ICA1: variants seen among roughly 807,000 people sequenced by gnomAD.
The protein encoded by ICA1 is 69 kDa islet cell autoantigen.
Under a neutral mutation model 71.0 loss-of-function variants are expected in ICA1, and 40 were observed. The ratio of observed to expected loss-of-function variants is 0.56; its 90% CI spans 0.44 to 0.73. ICA1 has a LOEUF of 0.73. Ranked by LOEUF, ICA1 falls within the 30% of genes least tolerant of loss-of-function variation. The pLI, the probability that ICA1 is intolerant of heterozygous loss-of-function variation, is 0.00. For missense variants in ICA1, 578 were observed against 576.5 expected, an observed-to-expected ratio of 1.00 and a Z score of -0.03; for synonymous variants, 207 against 209.5, an observed-to-expected ratio of 0.99 and a Z score of 0.10.
intron 1 of ICA1, among the ~76,000 whole-genome samples, chr7:8,252,286 G>A (rs1325694942): frequency 1.3e-5 from 2 of 152,110 alleles, no homozygotes; most frequent in African/African-American, 2.4e-5. Context: ...TAAAAGTCTC[G>A]ATCAAGTTCT....
rs1161104209 is a variant in ICA1, at chr7:8,222,579, C to A, written c.257-1181G>T. ...AGGACATTAGGCAGGAACCACAAAT[C>A]CAAAGGTGAAGGCTAAACTCGATAC... On this transcript the variant is annotated intron_variant, in intron 4 of 13. Transcript: ENST00000402384. This position sits in a 1 kb window ranked among gnomAD's most constrained non-coding sequence, Gnocchi z 4.8. Among the ~76,000 whole-genome samples, 1 of 152,154 alleles carries A rather than the reference C, an allele frequency of 6.6e-6. No homozygotes were observed. The highest frequency in any genetic ancestry group is 1.5e-5 in the Non-Finnish European group (1 of 68,024).
intron 6 of ICA1, among the ~76,000 whole-genome samples, chr7:8,213,605 C>T (rs1164096599): frequency 6.6e-6 from 1 of 152,166 alleles, no homozygotes; most frequent in Admixed American, 6.5e-5. Flanking sequence ...GCTAAAAGAG[C>T]CTGACCTCTG....
At chr7:8,196,287 T>C (rs1164577398) in intron 6 of ICA1, among the ~76,000 whole-genome samples, 2 of 152,208 alleles carry the variant, frequency 1.3e-5, no homozygotes, top group African/African-American at 4.8e-5. Context: ...TCCAATTATA[T>C]GACATTCTGA....
intron 6 of ICA1, among the ~76,000 whole-genome samples, chr7:8,171,265 T>C (rs530886540): frequency 1.3e-5 from 2 of 152,052 alleles, no homozygotes; most frequent in Non-Finnish European, 1.5e-5. Context: ...AGTGAAGCCA[T>C]ATAGAACTGA....
intron 8 of ICA1, among the ~76,000 whole-genome samples, chr7:8,146,515 G>T (rs767020902): frequency 1.3e-5 from 2 of 152,044 alleles, no homozygotes; most frequent in Non-Finnish European, 2.9e-5. Context: ...GCCCCATTTT[G>T]TTCCATCATC....
At chr7:8,193,488 G>A (rs1227127619) in intron 6 of ICA1, among the ~76,000 whole-genome samples, 2 of 152,226 alleles carry the variant, frequency 1.3e-5, no homozygotes, top group African/African-American at 4.8e-5. Flanking sequence ...TCTGCAAAAA[G>A]AGACGACGTC....
At chr7:8,124,305 G>C (rs1332771671) in intron 13 of ICA1, among the ~76,000 whole-genome samples, 1 of 150,026 alleles carries the variant, frequency 6.7e-6, no homozygotes, top group Non-Finnish European at 1.5e-5. Context: ...ATTTTTAGTA[G>C]AGCCGGGGTT....
intron 6 of ICA1, among the ~76,000 whole-genome samples, chr7:8,179,978 C>T (rs1033248526): frequency 7.9e-5 from 12 of 152,006 alleles, no homozygotes; most frequent in African/African-American, 2.2e-4. Flanking sequence ...TCTATTCCCC[C>T]GTTCCTCTTC....
In ICA1 at chr7:8,221,378, C is replaced by T. The variant is rs745319774; in HGVS notation, c.277G>A (p.Glu93Lys). The T allele has an allele frequency of 9.9e-6, 16 of 1,613,140 alleles. No homozygotes were observed. The East Asian group carries it at 1.1e-4, about 11-fold the overall frequency. The change falls in exon 5 of 14, where the codon GAA (glutamate) becomes AAA (lysine). Residue 93 changes from glutamate to lysine, a missense_variant. Glu to Lys is a moderately conservative substitution (Grantham distance 56). Transcript: ENST00000402384. ...RICFLSQEEN[E>K]LGKFLRSQGF... ...TGGGATCGAAGAAATTTTCCCAGTT[C>T]GTTTTCTTCTTGAGACAAGACTGAT... is the stretch of plus-strand genomic sequence containing the variant.
rs567721773 is a variant in ICA1 at position 8,199,706 on chromosome 7, C to T, written c.579+18599G>A. On this transcript the variant is annotated intron_variant, in intron 6 of 13. Transcript: ENST00000402384. Reference sequence around the variant, plus strand: ...TCCACACTGATGACAGAGCGAGACTCTGTCTCAAAACAAAAACAAAAAACA... The same window carrying T: ...TCCACACTGATGACAGAGCGAGACTTTGTCTCAAAACAAAAACAAAAAACA... Among the ~76,000 whole-genome samples the T allele has an allele frequency of 2.6e-5, 4 of 152,340 alleles. No homozygotes were observed. In the South Asian group the frequency reaches 8.3e-4, roughly 32 times the overall value.
chr7:8,164,932 G>T (rs1584788731), intron 6 of ICA1, among the ~76,000 whole-genome samples: 1 of 152,080 alleles, frequency 6.6e-6, no homozygotes, highest in East Asian at 1.9e-4. Context: ...ACAAAAATTT[G>T]CCAGGCTGGT....
intron 1 of ICA1, among the ~76,000 whole-genome samples, chr7:8,255,006 C>T (rs904422422): frequency 6.6e-6 from 1 of 152,176 alleles, no homozygotes; most frequent in Non-Finnish European, 1.5e-5. Flanking sequence ...TCTGTGCACC[C>T]CTGCTCACTT....
chr7:8,148,288 C>A lies in ICA1; in HGVS notation c.805-4316G>T, dbSNP rs191262372. 1.8e-3 allele frequency among the ~76,000 whole-genome samples: 268 copies of A among 152,246 alleles called. 2 individuals are homozygous for A. Among genetic ancestry groups the A allele is most frequent in the Non-Finnish European group, 2.6e-3 (179 of 68,020 alleles). ...TGTGATTGAACTGCCTGGTGGCAGG[C>A]GGTGTCTTAGAATTTTTGCTTCACC... On this transcript the variant is annotated intron_variant, in intron 8 of 13. Transcript: ENST00000402384.
chr7:8,169,954 A>G (rs1215850779), intron 6 of ICA1, among the ~76,000 whole-genome samples: 1 of 147,858 alleles, frequency 6.8e-6, no homozygotes, highest in African/African-American at 2.5e-5. Context: ...ACCTTCCCCT[A>G]ATCTAAGGTC....
At chr7:8,122,024 A>T (rs1207216884) in intron 13 of ICA1, among the ~76,000 whole-genome samples, 1 of 152,206 alleles carries the variant, frequency 6.6e-6, no homozygotes. Context: ...GGGGGACTCA[A>T]GGAAGGCTCC....
At position 8,144,155 on chromosome 7, in the gene ICA1, T is replaced by C. The variant is rs1000949673; in HGVS notation, c.805-183A>G. Among the ~76,000 whole-genome samples the C allele has an allele frequency of 6.6e-6, 1 of 152,164 alleles. No individual in the cohort carries two copies. The highest frequency in any genetic ancestry group is 2.4e-5 in the African/African-American group (1 of 41,450). On this transcript the variant is annotated intron_variant, in intron 8 of 13. Transcript: ENST00000402384. The surrounding 1 kb of genome is among the most constrained non-coding windows in gnomAD (Gnocchi z 4.5). ...ATCAGCTGGAAGAAATAAAATTTTA[T>C]ATGGTGAAGCAACAATGTTCTCAGA...
chr7:8,149,010 C>CACG (rs1284989488), intron 8 of ICA1, among the ~76,000 whole-genome samples: 1 of 152,148 alleles, frequency 6.6e-6, no homozygotes, highest in Admixed American at 6.5e-5. Flanking sequence ...TTTTGAAGTC[C>CACG]ACGACTCCAT....
intron 1 of ICA1, among the ~76,000 whole-genome samples, chr7:8,253,643 T>C (rs1808986813): frequency 6.6e-6 from 1 of 152,104 alleles, no homozygotes; most frequent in Non-Finnish European, 1.5e-5. Context: ...TAAGTACATT[T>C]TTTGCTTATA....
intron 6 of ICA1, among the ~76,000 whole-genome samples, chr7:8,216,135 G>A (rs7778183): frequency 0.25 from 37,750 of 152,146 alleles, 6,392 homozygotes; most frequent in African/African-American, 0.48. Context: ...TGCAAATGGC[G>A]GGAATGCCCT....
Sources: gnomAD v4.1 joint callset for allele counts (sites outside exome capture counted in the v4.1 genomes callset) on GRCh38, gnomAD v4.1.1 for gene constraint, Gnocchi (gnomAD v3.1) non-coding constraint, MANE v1.5 for transcripts, NCBI Gene and HGNC (gene_info 2026-07-23, HGNC 2026-07-21) for gene names.